CNTNAP2: variants seen among roughly 807,000 people sequenced by gnomAD.
CNTNAP2 encodes the protein contactin-associated protein-like 2.
A neutral mutation model predicts 155.2 loss-of-function variants in CNTNAP2; 98 were observed. The observed-to-expected ratio is 0.63, with a 90% confidence interval of 0.54 to 0.75. CNTNAP2 has a LOEUF of 0.75. CNTNAP2 is among the 30% of genes least tolerant of loss of function. The probability of loss-of-function intolerance (pLI) is 0.00; values close to 1 mark genes in which losing one functional copy is unlikely to be tolerated. For missense variants in CNTNAP2, 1,727 were observed against 1,688.1 expected, an observed-to-expected ratio of 1.02 and a Z score of -0.40; for synonymous variants, 651 against 631.2, an observed-to-expected ratio of 1.03 and a Z score of -0.47.
chr7:147,515,769 C>T (rs1019133635), intron 11 of CNTNAP2, among the ~76,000 whole-genome samples: 12 of 152,096 alleles, frequency 7.9e-5, no homozygotes, highest in African/African-American at 2.9e-4. Context: ...GTGTCCAGAA[C>T]ATTAGTAGGT....
intron 8 of CNTNAP2, among the ~76,000 whole-genome samples, chr7:147,213,283 C>G (rs573111758): frequency 6.6e-6 from 1 of 152,256 alleles, no homozygotes; most frequent in South Asian, 2.1e-4. Flanking sequence ...TCCAAACCCT[C>G]AATGGATTAA....
intron 8 of CNTNAP2, among the ~76,000 whole-genome samples, chr7:147,219,540 T>G (rs1381526117): frequency 6.6e-6 from 1 of 152,176 alleles, no homozygotes; most frequent in African/African-American, 2.4e-5. Context: ...TTCTTTTGCC[T>G]GCTTTATTCT....
At chr7:147,549,293 G>T (rs1584806264) in intron 11 of CNTNAP2, among the ~76,000 whole-genome samples, 1 of 152,038 alleles carries the variant, frequency 6.6e-6, no homozygotes, top group Non-Finnish European at 1.5e-5. Flanking sequence ...ATGGTTTGTA[G>T]TTCTCCTTGA....
At chr7:148,124,305 GAA>G (rs1357902986) in intron 16 of CNTNAP2, among the ~76,000 whole-genome samples, 1 of 152,126 alleles carries the variant, frequency 6.6e-6, no homozygotes, top group Non-Finnish European at 1.5e-5. Flanking sequence ...AGATGGCAAA[GAA>G]ATATTGTTCA....
chr7:147,706,475 G>T (rs140601259), intron 13 of CNTNAP2, among the ~76,000 whole-genome samples: 3 of 151,856 alleles, frequency 2.0e-5, no homozygotes, highest in Non-Finnish European at 2.9e-5. Context: ...GGCTTGAAAG[G>T]TTTCTGCTGA....
At chr7:147,419,059 G>A (rs186544127) in intron 10 of CNTNAP2, among the ~76,000 whole-genome samples, 5 of 152,016 alleles carry the variant, frequency 3.3e-5, no homozygotes, top group Non-Finnish European at 7.4e-5. Context: ...TATGAAGAAA[G>A]ATTTCCAATG....
intron 15 of CNTNAP2, among the ~76,000 whole-genome samples, chr7:147,982,912 G>T (rs1213590968): frequency 3.3e-5 from 5 of 151,778 alleles, no homozygotes; most frequent in African/African-American, 1.2e-4. Context: ...CAGCTACTCA[G>T]GAGGCTGAGG....
intron 1 of CNTNAP2, among the ~76,000 whole-genome samples, chr7:146,383,302 G>A (rs1202447441): frequency 6.6e-6 from 1 of 151,964 alleles, no homozygotes; most frequent in Non-Finnish European, 1.5e-5. Context: ...ATTATAAACT[G>A]GATTTGAATA....
At chr7:146,138,231 G>A (rs1797826135) in intron 1 of CNTNAP2, among the ~76,000 whole-genome samples, 1 of 152,104 alleles carries the variant, frequency 6.6e-6, no homozygotes, top group Non-Finnish European at 1.5e-5. Context: ...ATGTTACTAT[G>A]TGGAAAATGT....
At chr7:147,734,931 C>T (rs546178112) in intron 13 of CNTNAP2, among the ~76,000 whole-genome samples, 207 of 151,278 alleles carry the variant, frequency 1.4e-3, no homozygotes, top group African/African-American at 3.9e-3. Context: ...GTCTTGCTAG[C>T]GGTCTATCAA....
At chr7:146,381,336 G>A (rs957864779) in intron 1 of CNTNAP2, among the ~76,000 whole-genome samples, 2 of 152,112 alleles carry the variant, frequency 1.3e-5, no homozygotes, top group Non-Finnish European at 2.9e-5. Flanking sequence ...TGCCATAGTA[G>A]AGTTACAATA....
chr7:147,916,861 A>G (rs940234019), intron 14 of CNTNAP2, among the ~76,000 whole-genome samples: 1 of 152,092 alleles, frequency 6.6e-6, no homozygotes, highest in South Asian at 2.1e-4. Flanking sequence ...CACCCTCCCT[A>G]CCAGGCCAGC....
intron 13 of CNTNAP2, among the ~76,000 whole-genome samples, chr7:147,849,412 A>G (rs531062521): frequency 1.1e-4 from 17 of 152,288 alleles, no homozygotes; most frequent in Admixed American, 7.2e-4. Context: ...TTTCACTACA[A>G]CTATTCTTGG....
At chr7:146,878,328 TTA>T (rs1208195403) in intron 3 of CNTNAP2, among the ~76,000 whole-genome samples, 2 of 152,010 alleles carry the variant, frequency 1.3e-5, no homozygotes, top group Middle Eastern at 6.8e-3. Flanking sequence ...TGATGATGTA[TTA>T]TCTTTTTTTT....
intron 3 of CNTNAP2, among the ~76,000 whole-genome samples, chr7:146,951,034 G>T (rs1401826050): frequency 6.6e-6 from 1 of 151,996 alleles, no homozygotes; most frequent in Non-Finnish European, 1.5e-5. Flanking sequence ...TTGCATTTCT[G>T]TAATGACCAA....
At chr7:147,826,039 A>C (rs1798444736) in intron 13 of CNTNAP2, among the ~76,000 whole-genome samples, 2 of 152,208 alleles carry the variant, frequency 1.3e-5, no homozygotes, top group South Asian at 4.1e-4. Context: ...AGTAATTTAC[A>C]TCAGGCTAAG....
At chr7:147,794,987 G>T (rs1177571714) in intron 13 of CNTNAP2, among the ~76,000 whole-genome samples, 1 of 150,870 alleles carries the variant, frequency 6.6e-6, no homozygotes, top group Non-Finnish European at 1.5e-5. Context: ...TTGTTTTCTT[G>T]GTGAGTCTAG....
chr7:148,265,350 T>G (rs1796648850), intron 20 of CNTNAP2, among the ~76,000 whole-genome samples: 1 of 152,212 alleles, frequency 6.6e-6, no homozygotes, highest in Admixed American at 6.5e-5. Flanking sequence ...CACAGCTCAC[T>G]GCAGGCTTGA....
chr7:147,978,414 G>A (rs1433833287), intron 15 of CNTNAP2, among the ~76,000 whole-genome samples: 15 of 152,004 alleles, frequency 9.9e-5, no homozygotes, highest in Non-Finnish European at 2.9e-5. Context: ...TGTAAACTTG[G>A]ATTATGGCCA....
Sources: allele counts gnomAD v4.1 joint callset (sites outside exome capture counted in the v4.1 genomes callset), GRCh38; gene constraint gnomAD v4.1.1; transcripts MANE v1.5; gene names NCBI Gene and HGNC (gene_info 2026-07-23, HGNC 2026-07-21).